The following COPS7B variants were observed in gnomAD, a reference collection of about 807,000 sequenced individuals.
COPS7B encodes the protein COP9 signalosome subunit 7B.
Under a neutral mutation model 33.4 loss-of-function variants are expected in COPS7B, and 9 were observed. That is an observed-to-expected ratio of 0.27 (90% CI 0.16 to 0.47). The LOEUF is 0.47. COPS7B is among the 20% of genes least tolerant of loss of function. The pLI, the probability that COPS7B is intolerant of heterozygous loss-of-function variation, is 0.99. For missense variants in COPS7B, 242 were observed against 318.2 expected (o/e 0.76, Z 1.82); for synonymous variants, 119 against 126.3 (o/e 0.94, Z 0.39).
At chr2:231,787,056 C>T (rs1358227699) in intron 1 of COPS7B, among the ~76,000 whole-genome samples, 2 of 152,120 alleles carry the variant, frequency 1.3e-5, no homozygotes, top group Non-Finnish European at 2.9e-5. Context: ...TGTCTCTTCA[C>T]ACGGGTCCTC....
rs201741137 is a variant in COPS7B at position 231,801,164 on chromosome 2, C to T, written c.636+2200C>T. On this transcript the variant is annotated intron_variant, in intron 6 of 6. Transcript: ENST00000350033. ...GATTGCTTGTTTTCAGAGGGAAAAA[C>T]GTGATGTCCCCCTCCTGAATCTTAT... 3.8e-4 allele frequency: 593 copies of T among 1,550,500 alleles called. 1 individual carries two copies. The highest frequency in any genetic ancestry group is 7.1e-4 in the African/African-American group (52 of 73,176).
chr2:231,791,446 A>G (rs1012807724), intron 2 of COPS7B, among the ~76,000 whole-genome samples: 1 of 152,218 alleles, frequency 6.6e-6, no homozygotes, highest in Non-Finnish European at 1.5e-5. Flanking sequence ...ACTCCTTCCA[A>G]TGCTTAATGC....
chr2:231,796,040 A>G (rs2049557251), intron 4 of COPS7B, 66 bp from the exon 5 acceptor site: 10 of 1,400,480 alleles, frequency 7.1e-6, no homozygotes, highest in Admixed American at 1.7e-5. Flanking sequence ...CTATGGGAGT[A>G]ATACCTGCAT....
upstream of COPS7B, chr2:231,781,732 C>CGTTTCG: frequency 9.4e-7 from 1 of 1,068,072 alleles, no homozygotes; most frequent in Non-Finnish European, 1.4e-6. Flanking sequence ...GCGCAGTGTG[C>CGTTTCG]GCAAATTCAC....
chr2:231,794,715 A>G (rs941859687), intron 4 of COPS7B, among the ~76,000 whole-genome samples: 1 of 152,210 alleles, frequency 6.6e-6, no homozygotes, highest in African/African-American at 2.4e-5. Flanking sequence ...AACTATGCCC[A>G]TGCTGGAGGA....
intron 3 of COPS7B, chr2:231,793,647 C>A (rs1296697929): frequency 6.6e-6 from 1 of 152,278 alleles, no homozygotes; most frequent in Non-Finnish European, 1.5e-5. Flanking sequence ...TCTGTACTTT[C>A]CAAATGATAC....
Position 231,796,073 on chromosome 2 carries a change from G to T in COPS7B, c.328-33G>T, listed in dbSNP as rs759991756. The T allele has an allele frequency of 1.9e-6, 3 of 1,595,998 alleles. No individual in the cohort carries two copies. In the African/African-American group the frequency reaches 4.0e-5, roughly 21 times the overall value. On this transcript the variant is annotated intron_variant, in intron 4 of 6. Transcript: ENST00000350033. ...CATTTTCGCTAATGCTTGCCAGATG[G>T]TTTTTATAATGATCACATGGCCTTA...
intron 3 of COPS7B, 171 bp from the exon 4 acceptor site, chr2:231,794,092 G>A (rs1373449317): frequency 1.9e-6 from 1 of 512,878 alleles, no homozygotes; most frequent in Non-Finnish European, 3.5e-6. Flanking sequence ...TTCTTCTTTG[G>A]AAGTACATAG....
At chr2:231,788,805 GTGC>G in intron 2 of COPS7B, 73 bp downstream of exon 2, 1 of 1,446,988 alleles carries the variant, frequency 6.9e-7, no homozygotes, top group South Asian at 1.2e-5. Context: ...AAGAATTTCA[GTGC>G]TGAAGTATTG....
upstream of COPS7B, among the ~76,000 whole-genome samples, chr2:231,784,576 A>G (rs562030543): frequency 3.7e-4 from 56 of 152,146 alleles, no homozygotes; most frequent in Non-Finnish European, 6.3e-4. Flanking sequence ...TGGAATTTCT[A>G]TGAAGTCACA....
upstream of COPS7B, chr2:231,781,869 C>T (rs1338035584): frequency 9.0e-6 from 14 of 1,550,698 alleles, no homozygotes; most frequent in Non-Finnish European, 1.1e-5. Context: ...GGAACTCAGA[C>T]ATCTGCAAAT....
chr2:231,801,204 T>TA (rs1356759070), intron 6 of COPS7B: 3 of 1,550,548 alleles, frequency 1.9e-6, no homozygotes, highest in South Asian at 1.2e-5. Context: ...ACAGCTTTCT[T>TA]CTGGTGAGTT....
chr2:231,788,545 T>C lies in COPS7B; in HGVS notation c.-16-10T>C. ...AGGAAGAATGACTGACACAATTTTCTTTTGGACAGATTTCAAGGCCAGAGA... is the reference window on the plus strand; with the variant it reads ...AGGAAGAATGACTGACACAATTTTCCTTTGGACAGATTTCAAGGCCAGAGA... On this transcript the variant is annotated splice_polypyrimidine_tract_variant and intron_variant, in intron 1 of 6. Transcript: ENST00000350033. 6.2e-7 allele frequency: 1 copy of C among 1,611,600 alleles called. No individual in the cohort carries two copies. The highest frequency in any genetic ancestry group is 8.5e-7 in the Non-Finnish European group (1 of 1,179,410).
chr2:231,788,757 CTCTT>C lies in COPS7B; in HGVS notation c.162+27_162+30del, dbSNP rs756529649. The C allele has an allele frequency of 6.4e-5, 102 of 1,599,656 alleles. 1 individual carries two copies. The South Asian group carries it at 6.7e-4, about 10-fold the overall frequency. On this transcript the variant is annotated intron_variant, in intron 2 of 6. Transcript: ENST00000350033. ...GGTAAGAACGGTTTGCAAACAATTT[CTCTT>C]TATTCTAAGACTCTGTAATTCTCCA...
chr2:231,805,430 TA>T (rs1359871148), intron 6 of COPS7B, among the ~76,000 whole-genome samples: 5,818 of 126,400 alleles, frequency 0.046, 133 homozygotes, highest in African/African-American at 0.074. Context: ...TATATATATA[TA>T]TTTTTTTTTA....
intron 6 of COPS7B, among the ~76,000 whole-genome samples, chr2:231,800,066 A>G (rs959586658): frequency 5.3e-5 from 8 of 152,110 alleles, no homozygotes; most frequent in African/African-American, 1.7e-4. Flanking sequence ...TTGAATACAC[A>G]CACACACCAC....
chr2:231,783,549 T>C (rs1179149107), upstream of COPS7B, among the ~76,000 whole-genome samples: 4 of 152,244 alleles, frequency 2.6e-5, no homozygotes, highest in East Asian at 1.9e-4. Flanking sequence ...TGTTGGCTAG[T>C]TGAACGTCCT....
intron 3 of COPS7B, chr2:231,792,062 C>T: frequency 1.6e-6 from 1 of 641,832 alleles, no homozygotes; most frequent in Non-Finnish European, 3.0e-6. Context: ...AGATGAGATT[C>T]TTGAGGACTG....
chr2:231,802,478 T>C (rs765845123), intron 6 of COPS7B, among the ~76,000 whole-genome samples: 1 of 152,214 alleles, frequency 6.6e-6, no homozygotes, highest in Non-Finnish European at 1.5e-5. Context: ...CTAGGCTGCA[T>C]TTTTGCTAGC....
Sources: gnomAD v4.1 joint callset for allele counts (sites outside exome capture counted in the v4.1 genomes callset) on GRCh38, gnomAD v4.1.1 for gene constraint, MANE v1.5 for transcripts, NCBI Gene and HGNC (gene_info 2026-07-23, HGNC 2026-07-21) for gene names.